Variants in DDA1 observed in about 807,000 individuals in gnomAD.
DDA1 encodes the protein DET1 and DDB1 associated 1.
DDA1 carries 3 observed loss-of-function variants against 18.6 expected under a neutral mutation model. The observed-to-expected ratio is 0.16, with a 90% CI of 0.07 to 0.42. DDA1 has a LOEUF of 0.42. Among genes scored for constraint, DDA1 ranks in the 10% least tolerant of loss-of-function variants. The pLI is 0.99. For synonymous variants in DDA1, 52 were observed against 54.0 expected (o/e 0.96, Z 0.17); for missense variants, 105 against 138.2 (o/e 0.76, Z 1.20).
At chr19:17,316,065 G>A (rs2074211484) in intron 4 of DDA1, 70 bp downstream of exon 4, 2 of 1,545,058 alleles carry the variant, frequency 1.3e-6, no homozygotes, top group Admixed American at 3.3e-5. Flanking sequence ...AGGGGCTTCT[G>A]AGCACAGGAA....
chr19:17,317,839 T>C (rs2074221329), intron 4 of DDA1, among the ~76,000 whole-genome samples: 2 of 152,042 alleles, frequency 1.3e-5, no homozygotes, highest in Admixed American at 6.6e-5. Context: ...ACTCTGTCTC[T>C]AGAAAATAAA....
At chr19:17,316,660 G>A (rs146127846) in intron 4 of DDA1, among the ~76,000 whole-genome samples, 2,933 of 151,822 alleles carry the variant, frequency 0.019, 45 homozygotes, top group South Asian at 0.035. Flanking sequence ...AGATCATGAG[G>A]TCAGGAGATC....
intron 4 of DDA1, 82 bp from the exon 5 acceptor site, chr19:17,319,464 C>T (rs879783923): frequency 2.5e-5 from 30 of 1,178,284 alleles, no homozygotes; most frequent in African/African-American, 4.6e-5. Flanking sequence ...AGAGGCTGAG[C>T]TGGGAGGATT....
rs902389005 is a variant in DDA1, at chr19:17,315,925, C to T, written c.137-9C>T. 1 of 1,614,046 alleles carries T rather than the reference C, an allele frequency of 6.2e-7. No individual in the cohort carries two copies. The highest frequency in any genetic ancestry group is 2.2e-5 in the East Asian group (1 of 44,888). Reference sequence around the variant, plus strand: ...GGCGTCTGCGACTTTCTCTATCTTTCCTCCTTAGTCATCGTGACAGAAAAG... The same window carrying T: ...GGCGTCTGCGACTTTCTCTATCTTTTCTCCTTAGTCATCGTGACAGAAAAG... On this transcript the variant is annotated splice_polypyrimidine_tract_variant and intron_variant, in intron 3 of 4. Transcript: ENST00000359866.
rs770417512 is a variant in DDA1 at position 17,314,154 on chromosome 19, T to G, written c.84+51T>G. 113 of 1,596,274 alleles carry G rather than the reference T, an allele frequency of 7.1e-5. No individual in the cohort carries two copies. Among genetic ancestry groups the G allele is most frequent in the Non-Finnish European group, 9.4e-5 (110 of 1,164,752 alleles). On this transcript the variant is annotated intron_variant, in intron 2 of 4. Transcript: ENST00000359866. The surrounding 1 kb of genome is among the most constrained non-coding windows in gnomAD (Gnocchi z 4.6). ...AGGAATTGGTCACTTCCAGGGGGCC[T>G]GGGGGCAGCTTGTGTCCCCCGATTG...
rs1416338892 is a variant in DDA1 at position 17,319,526 on chromosome 19, C to T, written c.199-20C>T. On this transcript the variant is annotated intron_variant, in intron 4 of 4. Coordinates refer to ENST00000359866, the MANE Select transcript of DDA1 (RefSeq NM_024050.6). Reference sequence around the variant, plus strand: ...CCGAAAAAAAAGACTCACAGCCCCTCTCTTTTCCCTGTCCCCCAGAACGCT... The same window carrying T: ...CCGAAAAAAAAGACTCACAGCCCCTTTCTTTTCCCTGTCCCCCAGAACGCT... 1 of 1,552,670 alleles carries T rather than the reference C, an allele frequency of 6.4e-7. No homozygotes were observed. The highest frequency in any genetic ancestry group is 8.7e-7 in the Non-Finnish European group (1 of 1,147,164).
chr19:17,317,524 GA>G (rs978917974), intron 4 of DDA1, among the ~76,000 whole-genome samples: 1 of 150,702 alleles, frequency 6.6e-6, no homozygotes, highest in African/African-American at 2.4e-5. Flanking sequence ...CTCAAAAAAA[GA>G]AAAAAAGAAA....
chr19:17,317,361 TA>T (rs2074218715), intron 4 of DDA1, among the ~76,000 whole-genome samples: 1 of 151,670 alleles, frequency 6.6e-6, no homozygotes, highest in Non-Finnish European at 1.5e-5. Context: ...TACAAAAAAT[TA>T]GCCGCGTAGC....
intron 4 of DDA1, among the ~76,000 whole-genome samples, chr19:17,318,963 C>T (rs913057202): frequency 6.6e-6 from 1 of 152,118 alleles, no homozygotes; most frequent in Non-Finnish European, 1.5e-5. Flanking sequence ...CCACCCCCAC[C>T]CCTTCTCCTG....
rs1033195143 is a variant in DDA1, at chr19:17,322,897, GCAAA to G, written c.*3243_*3246del. 1.3e-5 allele frequency: 2 copies of G among 152,304 alleles called. No homozygotes were observed. Among genetic ancestry groups the G allele is most frequent in the East Asian group, 3.8e-4 (2 of 5,206 alleles). The allele number at this position is 152,304 out of a possible 1,614,324, so 9.4% of individuals were successfully genotyped here. ...GGTGTGCCAGAAGGGGCCACGTCTT[GCAAA>G]CCACCGCGCTGTCCTCTTTGAGAAG... On this transcript the variant is annotated 3_prime_UTR_variant, in exon 5 of 5. Transcript: ENST00000359866.
intron 4 of DDA1, among the ~76,000 whole-genome samples, chr19:17,318,549 T>C (rs2074224650): frequency 6.6e-6 from 1 of 151,928 alleles, no homozygotes; most frequent in African/African-American, 2.4e-5. Context: ...GTATTTTTAG[T>C]AGAGACAGGG....
At chr19:17,313,962 T>A in intron 1 of DDA1, 61 bp from the exon 2 acceptor site, 1 of 1,357,132 alleles carries the variant, frequency 7.4e-7, no homozygotes. Flanking sequence ...ACCCTGCAGG[T>A]GCTCCAGGGA....
At chr19:17,309,959 A>G (rs1283569034) in intron 1 of DDA1, among the ~76,000 whole-genome samples, 1 of 140,428 alleles carries the variant, frequency 7.1e-6, no homozygotes, top group African/African-American at 2.5e-5. Context: ...GGGGTCCCGT[A>G]AGACCCCCTG....
chr19:17,319,661 C>T lies in DDA1; in HGVS notation c.*5C>T. 1 of 1,559,324 alleles carries T rather than the reference C, an allele frequency of 6.4e-7. No homozygotes were observed. Among genetic ancestry groups the T allele is most frequent in the Non-Finnish European group, 8.7e-7 (1 of 1,151,326 alleles). ...GACATGCACGAGGACACTTAAGACTCTCAACTCCACAGGCGCCTCCTGCCA... is the reference window on the plus strand; with the variant it reads ...GACATGCACGAGGACACTTAAGACTTTCAACTCCACAGGCGCCTCCTGCCA... On this transcript the variant is annotated 3_prime_UTR_variant, in exon 5 of 5. Transcript: ENST00000359866.
chr19:17,310,879 AGCTTCT>A (rs1202260401), intron 1 of DDA1, among the ~76,000 whole-genome samples: 2 of 152,140 alleles, frequency 1.3e-5, no homozygotes, highest in Non-Finnish European at 2.9e-5. Context: ...TACCTGTCCC[AGCTTCT>A]TCCCTGGTCT....
intron 1 of DDA1, among the ~76,000 whole-genome samples, chr19:17,310,427 GTCA>G (rs2074173913): frequency 6.6e-6 from 1 of 152,178 alleles, no homozygotes; most frequent in Non-Finnish European, 1.5e-5. Flanking sequence ...GGGTTCCTCA[GTCA>G]TCCTGGAATT....
intron 4 of DDA1, 141 bp downstream of exon 4, chr19:17,316,136 G>A: frequency 2.2e-6 from 2 of 915,700 alleles, no homozygotes; most frequent in South Asian, 1.4e-5. Flanking sequence ...GGCGATCCAG[G>A]AGAGGGAAGA....
At chr19:17,312,921 G>A (rs1263010641) in intron 1 of DDA1, among the ~76,000 whole-genome samples, 1 of 152,072 alleles carries the variant, frequency 6.6e-6, no homozygotes, top group South Asian at 2.1e-4. Flanking sequence ...GCTGCCTCCC[G>A]GGTGGGAGGG....
Position 17,315,930 on chromosome 19 carries a change from T to C in DDA1, c.137-4T>C. 6.2e-7 allele frequency: 1 copy of C among 1,614,080 alleles called. No homozygotes were observed. The highest frequency in any genetic ancestry group is 8.5e-7 in the Non-Finnish European group (1 of 1,179,974). ...CTGCGACTTTCTCTATCTTTCCTCC[T>C]TAGTCATCGTGACAGAAAAGACAAA... On this transcript the variant is annotated splice_polypyrimidine_tract_variant and splice_region_variant and intron_variant, in intron 3 of 4. Coordinates refer to ENST00000359866, the MANE Select transcript of DDA1 (RefSeq NM_024050.6).
Sources: allele counts gnomAD v4.1 joint callset (sites outside exome capture counted in the v4.1 genomes callset), GRCh38; gene constraint gnomAD v4.1.1; non-coding constraint Gnocchi (gnomAD v3.1); transcripts MANE v1.5; gene names NCBI Gene and HGNC (gene_info 2026-07-23, HGNC 2026-07-21).